Variants in CNTNAP2 observed in about 807,000 individuals in gnomAD.
The protein encoded by CNTNAP2 is contactin associated protein 2.
CNTNAP2 carries 98 observed loss-of-function variants against 155.2 expected under a neutral mutation model. The ratio of observed to expected loss-of-function variants is 0.63; its 90% CI spans 0.54 to 0.75. CNTNAP2 has a LOEUF of 0.75. Ranked by LOEUF, CNTNAP2 falls within the 30% of genes least tolerant of loss-of-function variation. CNTNAP2 has a pLI of 0.00. For synonymous variants in CNTNAP2, 651 were observed against 631.2 expected (o/e 1.03, Z -0.47); for missense variants, 1,727 against 1,688.1 (o/e 1.02, Z -0.40).
chr7:146,743,821 T>A (rs1388066037), intron 1 of CNTNAP2, among the ~76,000 whole-genome samples: 2 of 152,136 alleles, frequency 1.3e-5, no homozygotes, highest in African/African-American at 4.8e-5. Flanking sequence ...AAATGTTACC[T>A]CCATATTCAC....
chr7:146,183,983 T>C (rs1458720688), intron 1 of CNTNAP2, among the ~76,000 whole-genome samples: 1 of 152,094 alleles, frequency 6.6e-6, no homozygotes, highest in Non-Finnish European at 1.5e-5. Flanking sequence ...CCCGGAAGTA[T>C]GGACTTGATC....
chr7:146,310,087 A>G (rs1210762572), intron 1 of CNTNAP2, among the ~76,000 whole-genome samples: 2 of 152,190 alleles, frequency 1.3e-5, no homozygotes, highest in Non-Finnish European at 2.9e-5. Context: ...GTGTCAAAAA[A>G]CTAAACTTGG....
chr7:147,984,509 C>A (rs974477369), intron 15 of CNTNAP2, among the ~76,000 whole-genome samples: 2 of 151,960 alleles, frequency 1.3e-5, no homozygotes, highest in African/African-American at 4.8e-5. Context: ...CCTTTCTACT[C>A]TATTCAATCA....
chr7:148,240,572 T>C (rs919477413), intron 20 of CNTNAP2, among the ~76,000 whole-genome samples: 2 of 152,222 alleles, frequency 1.3e-5, no homozygotes, highest in Non-Finnish European at 2.9e-5. Flanking sequence ...AGGGTCTTTA[T>C]TGATAGGCTA....
chr7:147,184,153 G>A (rs1032926686), intron 8 of CNTNAP2, among the ~76,000 whole-genome samples: 7 of 152,120 alleles, frequency 4.6e-5, no homozygotes, highest in Admixed American at 3.9e-4. Context: ...TGCCTTCATA[G>A]CTTCTACATT....
chr7:147,202,034 C>T (rs1371830784), intron 8 of CNTNAP2, among the ~76,000 whole-genome samples: 1 of 151,740 alleles, frequency 6.6e-6, no homozygotes, highest in Non-Finnish European at 1.5e-5. Flanking sequence ...TAATTTCTAA[C>T]CATAAATATT....
At chr7:148,365,508 T>TA (rs1798720099) in intron 21 of CNTNAP2, among the ~76,000 whole-genome samples, 1 of 151,824 alleles carries the variant, frequency 6.6e-6, no homozygotes, top group Non-Finnish European at 1.5e-5. Flanking sequence ...CTACTAAAAA[T>TA]ACAAAAATTA....
chr7:148,332,277 A>G (rs1322135550), intron 21 of CNTNAP2, among the ~76,000 whole-genome samples: 5 of 152,098 alleles, frequency 3.3e-5, no homozygotes, highest in African/African-American at 9.7e-5. Context: ...GATGTATATT[A>G]AAGCCATGTA....
intron 15 of CNTNAP2, among the ~76,000 whole-genome samples, chr7:148,106,779 C>A (rs1167218306): frequency 6.6e-6 from 1 of 152,138 alleles, no homozygotes; most frequent in African/African-American, 2.4e-5. Flanking sequence ...CTTGCTAAAT[C>A]TTCTTCCCCT....
chr7:146,371,213 A>G (rs1281074282), intron 1 of CNTNAP2, among the ~76,000 whole-genome samples: 1 of 152,028 alleles, frequency 6.6e-6, no homozygotes. Context: ...AAAATGTTAA[A>G]TAATGGTGAT....
At chr7:147,157,990 C>G (rs1007201000) in intron 8 of CNTNAP2, among the ~76,000 whole-genome samples, 9 of 151,952 alleles carry the variant, frequency 5.9e-5, no homozygotes, top group African/African-American at 1.7e-4. Flanking sequence ...TCAGCAATAA[C>G]AAAAACAATT....
At chr7:148,034,809 T>C (rs1266564194) in intron 15 of CNTNAP2, among the ~76,000 whole-genome samples, 9 of 152,062 alleles carry the variant, frequency 5.9e-5, no homozygotes, top group African/African-American at 1.7e-4. Context: ...AGAAGAAATA[T>C]AGGGGAAGTA....
intron 15 of CNTNAP2, among the ~76,000 whole-genome samples, chr7:148,089,272 T>C (rs1210236583): frequency 6.6e-6 from 1 of 152,026 alleles, no homozygotes; most frequent in African/African-American, 2.4e-5. Flanking sequence ...TCTTGCCATG[T>C]TTATTCAACA....
At chr7:146,177,555 T>TA (rs1463534268) in intron 1 of CNTNAP2, among the ~76,000 whole-genome samples, 1 of 152,228 alleles carries the variant, frequency 6.6e-6, no homozygotes, top group Non-Finnish European at 1.5e-5. Flanking sequence ...GCTGTTATAC[T>TA]ATTACTTTTA....
At chr7:147,411,824 A>G (rs1050224358) in intron 10 of CNTNAP2, among the ~76,000 whole-genome samples, 1 of 152,310 alleles carries the variant, frequency 6.6e-6, no homozygotes. Context: ...GAGGATTATC[A>G]CTAGGAAGGA....
chr7:146,134,438 C>T (rs1797766102), intron 1 of CNTNAP2, among the ~76,000 whole-genome samples: 1 of 150,678 alleles, frequency 6.6e-6, no homozygotes, highest in African/African-American at 2.4e-5. Context: ...CCAGAACTTC[C>T]AACACTATGT....
intron 11 of CNTNAP2, among the ~76,000 whole-genome samples, chr7:147,499,416 C>T (rs1798770209): frequency 6.6e-6 from 1 of 152,058 alleles, no homozygotes; most frequent in African/African-American, 2.4e-5. Flanking sequence ...GTAGTCCCAG[C>T]TACTCGGGAG....
At chr7:146,879,070 A>G (rs1043877301) in intron 3 of CNTNAP2, among the ~76,000 whole-genome samples, 3 of 152,170 alleles carry the variant, frequency 2.0e-5, no homozygotes, top group Non-Finnish European at 4.4e-5. Context: ...CTGCTCCATA[A>G]GTATGTGTGG....
chr7:148,216,235 A>G lies in CNTNAP2; in HGVS notation c.3011-1053A>G, dbSNP rs540078847. ...GTAAGCACTGCTCAGGCTCTAGGAA[A>G]AGGCTGATGCAGGAAGGGTTTCTTT... On this transcript the variant is annotated intron_variant, in intron 18 of 23. Coordinates refer to ENST00000361727, the MANE Select transcript of CNTNAP2 (RefSeq NM_014141.6). Among the ~76,000 whole-genome samples the G allele has an allele frequency of 1.3e-5, 2 of 152,340 alleles. 1 individual carries two copies. Among genetic ancestry groups the G allele is most frequent in the South Asian group, 4.1e-4 (2 of 4,830 alleles).
Sources: allele counts gnomAD v4.1 joint callset (sites outside exome capture counted in the v4.1 genomes callset), GRCh38; gene constraint gnomAD v4.1.1; transcripts MANE v1.5; gene names NCBI Gene and HGNC (gene_info 2026-07-23, HGNC 2026-07-21).